The following LRRC27 variants were observed in gnomAD, a reference collection of about 807,000 sequenced individuals.
LRRC27 encodes the protein leucine rich repeat containing 27.
Under a neutral mutation model 55.0 loss-of-function variants are expected in LRRC27, and 57 were observed. The observed-to-expected ratio is 1.04, with a 90% confidence interval of 0.84 to 1.29. The LOEUF (loss-of-function observed/expected upper bound fraction) is 1.29. Ranked by LOEUF, LRRC27 falls within the 50% of genes most tolerant of loss-of-function variation. The probability of loss-of-function intolerance (pLI) is 0.00; values close to 1 mark genes in which losing one functional copy is unlikely to be tolerated. For missense variants in LRRC27, 721 were observed against 651.5 expected, an observed-to-expected ratio of 1.11 and a Z score of -1.16; for synonymous variants, 278 against 251.9, an observed-to-expected ratio of 1.10 and a Z score of -0.98.
chr10:132,353,504 T>C, intron 7 of LRRC27: 1 of 778,762 alleles, frequency 1.3e-6, no homozygotes, highest in Non-Finnish European at 1.6e-6. Flanking sequence ...CAGAGAGACA[T>C]TGTAGTTGGT....
Position 132,348,375 on chromosome 10 carries a change from G to T in LRRC27, c.926+19G>T, listed in dbSNP as rs374042131. The T allele has an allele frequency of 1.3e-5, 20 of 1,597,266 alleles. No homozygotes were observed. The highest frequency in any genetic ancestry group is 1.7e-5 in the Non-Finnish European group (20 of 1,170,814). On this transcript the variant is annotated intron_variant, in intron 6 of 10. Transcript: ENST00000368614. This position sits in a 1 kb window ranked among gnomAD's most constrained non-coding sequence, Gnocchi z 4.2. ...TTTTCAGGTAAAACTGAAAAGCAAC[G>T]GGGGATTTTCTTGATCTTTGCGAAT...
chr10:132,371,158 G>T (rs751543376), intron 10 of LRRC27, among the ~76,000 whole-genome samples: 5 of 152,248 alleles, frequency 3.3e-5, no homozygotes, highest in African/African-American at 4.8e-5. Context: ...TTCCTTCAAG[G>T]CATCTGCGCA....
intron 3 of LRRC27, among the ~76,000 whole-genome samples, chr10:132,341,708 C>G (rs2067423964): frequency 6.6e-6 from 1 of 152,186 alleles, no homozygotes; most frequent in Admixed American, 6.5e-5. Context: ...GTGGAAGTCT[C>G]TCAAACATTT....
At chr10:132,359,669 G>A (rs534172256) in intron 8 of LRRC27, among the ~76,000 whole-genome samples, 10 of 152,372 alleles carry the variant, frequency 6.6e-5, no homozygotes, top group African/African-American at 2.2e-4. Context: ...TCGATGGGGT[G>A]GGAGCCTTGA....
chr10:132,347,162 T>C (rs1396829227), intron 5 of LRRC27, among the ~76,000 whole-genome samples: 2 of 152,240 alleles, frequency 1.3e-5, no homozygotes, highest in Non-Finnish European at 2.9e-5. Flanking sequence ...AAACAAAGAT[T>C]CTAAGTGATC....
At chr10:132,331,792 GTC>G, upstream of LRRC27, 1 of 1,604,830 alleles carries the variant, frequency 6.2e-7, no homozygotes, top group Non-Finnish European at 8.5e-7. Flanking sequence ...GACCCTCGCG[GTC>G]TCTACTTGCC....
At position 132,380,872 on chromosome 10, in the gene LRRC27, A is replaced by C. The variant is rs913915994; in HGVS notation, c.*5630A>C. ...TACAGCTGCGGTTGCCTACCAATTC[A>C]AGATAAATGAATCCAGCGTAAGGAC... On this transcript the variant is annotated 3_prime_UTR_variant, in exon 11 of 11. Coordinates refer to ENST00000368614, the MANE Select transcript of LRRC27 (RefSeq NM_030626.3). Among the ~76,000 whole-genome samples, 1 of 152,244 alleles carries C rather than the reference A, an allele frequency of 6.6e-6. No homozygotes were observed. The highest frequency in any genetic ancestry group is 1.5e-5 in the Non-Finnish European group (1 of 68,048).
In LRRC27 at chr10:132,372,850, A is replaced by G. The variant is rs1477368460; in HGVS notation, c.1417-2216A>G. 1.1e-4 allele frequency among the ~76,000 whole-genome samples: 17 copies of G among 152,096 alleles called. No homozygotes were observed. The highest frequency in any genetic ancestry group is 1.5e-5 in the Non-Finnish European group (1 of 68,012). On this transcript the variant is annotated intron_variant, in intron 10 of 10. Coordinates refer to ENST00000368614, the MANE Select transcript of LRRC27 (RefSeq NM_030626.3). The surrounding 1 kb of genome is among the most constrained non-coding windows in gnomAD (Gnocchi z 4.0). ...GACAGAAGCCACCTGGGCGTACCCT[A>G]GACAGCCCCAGCCTGCACTGAGCAG...
At position 132,375,107 on chromosome 10, in the gene LRRC27, A is replaced by T. The variant is rs1325789450; in HGVS notation, c.1458A>T (p.Gly486=). 1.2e-6 allele frequency: 2 copies of T among 1,613,886 alleles called. No individual in the cohort carries two copies. The highest frequency in any genetic ancestry group is 3.3e-5 in the Admixed American group (2 of 59,998). Reference sequence around the variant, plus strand: ...ATGAAGTATTGAAGCTAAAATTGGGATTAACCTTGAACAAAGATCGTCGAC... The same window carrying T: ...ATGAAGTATTGAAGCTAAAATTGGGTTTAACCTTGAACAAAGATCGTCGAC... The part of the protein sequence containing the change: ...LQDEVLKLKL[G]LTLNKDRRRA... The change falls in exon 11 of 11, where the codon GGA becomes GGT. Residue 486 remains glycine (G), a synonymous_variant. Coordinates refer to ENST00000368614, the MANE Select transcript of LRRC27 (RefSeq NM_030626.3).
chr10:132,340,005 A>G (rs1201667598), intron 3 of LRRC27, among the ~76,000 whole-genome samples: 3 of 152,236 alleles, frequency 2.0e-5, no homozygotes, highest in Non-Finnish European at 4.4e-5. Context: ...TTGTGGGCTT[A>G]TTAAAGCCTT....
chr10:132,358,269 CTG>C (rs2068399915), intron 8 of LRRC27, among the ~76,000 whole-genome samples: 1 of 152,060 alleles, frequency 6.6e-6, no homozygotes, highest in South Asian at 2.1e-4. Context: ...CGTGAGGCGC[CTG>C]TGTGGTCGGC....
rs74161792 is a variant in LRRC27, at chr10:132,352,775, C to T, written c.1073+1022C>T. ...CCCGAGGCCTCCCTGTGGGACAGGCCGGTTGCAGTGCTCGCGGTCGCCCCC... is the reference window on the plus strand; with the variant it reads ...CCCGAGGCCTCCCTGTGGGACAGGCTGGTTGCAGTGCTCGCGGTCGCCCCC... On this transcript the variant is annotated intron_variant, in intron 7 of 10. Coordinates refer to ENST00000368614, the MANE Select transcript of LRRC27 (RefSeq NM_030626.3). 371 of 1,245,518 alleles carry T rather than the reference C, an allele frequency of 3.0e-4. 3 individuals are homozygous for T. In the African/African-American group the frequency reaches 4.0e-3, roughly 13 times the overall value. The allele number at this position is 1,245,518 out of a possible 1,614,324, so 77.2% of individuals were successfully genotyped here.
Position 132,377,578 on chromosome 10 carries a change from T to C in LRRC27, c.*2336T>C, listed in dbSNP as rs2069354547. On this transcript the variant is annotated 3_prime_UTR_variant, in exon 11 of 11. Coordinates refer to ENST00000368614, the MANE Select transcript of LRRC27 (RefSeq NM_030626.3). The stretch of plus-strand genomic sequence containing the variant: ...ACAGGTACCGTGTGCCCCAACGGTG[T>C]CTTGACTCGCTGTTCCTAGACATCA... 6.6e-6 allele frequency: 1 copy of C among 152,182 alleles called. No individual in the cohort carries two copies. The highest frequency in any genetic ancestry group is 6.5e-5 in the Admixed American group (1 of 15,274). The allele number at this position is 152,182 out of a possible 1,614,324, so 9.4% of individuals were successfully genotyped here.
chr10:132,364,577 C>T (rs1325394349), intron 9 of LRRC27, among the ~76,000 whole-genome samples: 1 of 36,036 alleles, frequency 2.8e-5, no homozygotes, highest in East Asian at 7.5e-4. Context: ...ACGTCCACAC[C>T]CTGGGGCCCC....
chr10:132,377,876 G>A lies in LRRC27; in HGVS notation c.*2634G>A, dbSNP rs1564863999. On this transcript the variant is annotated 3_prime_UTR_variant, in exon 11 of 11. Coordinates refer to ENST00000368614, the MANE Select transcript of LRRC27 (RefSeq NM_030626.3). Reference sequence around the variant, plus strand: ...CTCCACTGTCTTCTGGCTCCCATGTGTTTTGTTAAAAATTCAGTGTTCAGG... The same window carrying A: ...CTCCACTGTCTTCTGGCTCCCATGTATTTTGTTAAAAATTCAGTGTTCAGG... 2 of 152,304 alleles carry A rather than the reference G, an allele frequency of 1.3e-5. No individual in the cohort carries two copies. The highest frequency in any genetic ancestry group is 2.1e-4 in the South Asian group (1 of 4,818). The allele number at this position is 152,304 out of a possible 1,614,324, so 9.4% of individuals were successfully genotyped here. A position where few individuals can be genotyped will look rare whatever the true frequency, so the allele number is the denominator to read the frequency against.
rs138072740 is a variant in LRRC27 at position 132,351,696 on chromosome 10, G to A, written c.1016G>A (p.Arg339Gln). ...AIRAKRLEES[R>Q]AAALRELQEK... ...CGAGCAAAAAGACTGGAAGAGAGCC[G>A]AGCGGCGGCGCTCCGAGAGCTCCAG... Residue 339 changes from arginine to glutamine, a missense_variant, in exon 7 of 11, where the codon CGA becomes CAA. Arg to Gln is a conservative substitution (Grantham distance 43, BLOSUM62 1). Coordinates refer to ENST00000368614, the MANE Select transcript of LRRC27 (RefSeq NM_030626.3). 26 of 1,613,784 alleles carry A rather than the reference G, an allele frequency of 1.6e-5. No homozygotes were observed. The highest frequency in any genetic ancestry group is 3.3e-4 in the Middle Eastern group (2 of 6,082).
chr10:132,344,795 T>G, intron 5 of LRRC27, 145 bp downstream of exon 5: 9 of 770,854 alleles, frequency 1.2e-5, no homozygotes, highest in Non-Finnish European at 1.8e-5. Flanking sequence ...CAGTGTACAC[T>G]GATCTCAGGC....
chr10:132,344,695 T>TA, intron 5 of LRRC27, 45 bp downstream of exon 5: 3 of 1,600,312 alleles, frequency 1.9e-6, no homozygotes, highest in Non-Finnish European at 1.7e-6. Flanking sequence ...ACGTTGAAGT[T>TA]ACAGCTTTTT....
chr10:132,357,909 C>T (rs889681324), intron 8 of LRRC27, among the ~76,000 whole-genome samples: 1 of 152,126 alleles, frequency 6.6e-6, no homozygotes, highest in Non-Finnish European at 1.5e-5. Flanking sequence ...GGCAGGGCTC[C>T]GTGGTAGCTG....
Sources: gnomAD v4.1 joint callset for allele counts (sites outside exome capture counted in the v4.1 genomes callset) on GRCh38, gnomAD v4.1.1 for gene constraint, Gnocchi (gnomAD v3.1) non-coding constraint, MANE v1.5 for transcripts, NCBI Gene and HGNC (gene_info 2026-07-23, HGNC 2026-07-21) for gene names.